AMOTL1: variants seen among roughly 807,000 people sequenced by gnomAD.
AMOTL1 encodes the protein angiomotin-like protein 1.
AMOTL1 carries 45 observed loss-of-function variants against 102.9 expected under a neutral mutation model. The observed-to-expected ratio is 0.44, with a 90% CI of 0.34 to 0.56. AMOTL1 has a LOEUF of 0.56. Ranked by LOEUF, AMOTL1 falls within the 20% of genes least tolerant of loss-of-function variation. AMOTL1 has a pLI of 0.01. For synonymous variants in AMOTL1, 481 were observed against 484.7 expected (o/e 0.99, Z 0.10); for missense variants, 1,114 against 1,225.6 (o/e 0.91, Z 1.36).
chr11:94,716,740 T>C (rs1399604005), intron 1 of AMOTL1, among the ~76,000 whole-genome samples: 3 of 152,122 alleles, frequency 2.0e-5, no homozygotes, highest in African/African-American at 7.2e-5. Flanking sequence ...GTCTTGGATA[T>C]GGGATAGGTA....
chr11:94,726,268 C>T (rs1950256142), intron 1 of AMOTL1, among the ~76,000 whole-genome samples: 1 of 152,134 alleles, frequency 6.6e-6, no homozygotes, highest in Non-Finnish European at 1.5e-5. Context: ...TGGTCTGTCT[C>T]ACACCACTCT....
chr11:94,751,539 T>TA (rs1950653872), intron 3 of AMOTL1, among the ~76,000 whole-genome samples: 1 of 152,130 alleles, frequency 6.6e-6, no homozygotes, highest in Admixed American at 6.5e-5. Flanking sequence ...AACTTGAATG[T>TA]AAAATTGATC....
intron 1 of AMOTL1, among the ~76,000 whole-genome samples, chr11:94,793,801 C>T (rs1241952922): frequency 1.3e-5 from 2 of 152,214 alleles, no homozygotes; most frequent in Admixed American, 1.3e-4. Flanking sequence ...CATCCGTACT[C>T]GGTTTATGTT....
intron 3 of AMOTL1, among the ~76,000 whole-genome samples, chr11:94,802,463 A>G (rs1361638281): frequency 1.3e-5 from 2 of 152,218 alleles, no homozygotes; most frequent in Non-Finnish European, 2.9e-5. Context: ...TGCAATGCAT[A>G]CAGTGGATCA....
chr11:94,745,540 T>C (rs919925387), intron 3 of AMOTL1, among the ~76,000 whole-genome samples: 1 of 152,190 alleles, frequency 6.6e-6, no homozygotes, highest in Admixed American at 6.5e-5. Flanking sequence ...CAAATATATG[T>C]ATATTTTTTA....
chr11:94,713,692 T>C (rs1450435939), intron 1 of AMOTL1, among the ~76,000 whole-genome samples: 1 of 152,004 alleles, frequency 6.6e-6, no homozygotes, highest in African/African-American at 2.4e-5. Flanking sequence ...ATTGTTAATA[T>C]AGAGAAATGC....
In AMOTL1 at chr11:94,875,789, G is replaced by C. The variant is rs1158591553; in HGVS notation, c.*4994G>C. 1 of 152,190 alleles carries C rather than the reference G, an allele frequency of 6.6e-6. No individual in the cohort carries two copies. The highest frequency in any genetic ancestry group is 1.5e-5 in the Non-Finnish European group (1 of 68,038). 9.4% of individuals were successfully genotyped at this position (152,190 alleles called of 1,614,324 possible). Reference sequence around the variant, plus strand: ...CTTTGGCCTCAGAGCCTCTCAAAGTGTCCACTTCAAGGGGGGATCATCCTC... The same window carrying C: ...CTTTGGCCTCAGAGCCTCTCAAAGTCTCCACTTCAAGGGGGGATCATCCTC... On this transcript the variant is annotated 3_prime_UTR_variant, in exon 13 of 13. Transcript: ENST00000433060.
At chr11:94,863,243 A>T (rs961422827) in intron 9 of AMOTL1, among the ~76,000 whole-genome samples, 3 of 151,776 alleles carry the variant, frequency 2.0e-5, no homozygotes, top group African/African-American at 4.9e-5. Flanking sequence ...AGCTGTCATT[A>T]AAGGGGCCTC....
chr11:94,827,723 C>T (rs1951991834), intron 4 of AMOTL1, among the ~76,000 whole-genome samples: 4 of 152,204 alleles, frequency 2.6e-5, no homozygotes, highest in African/African-American at 7.2e-5. Flanking sequence ...TATCTCAGCT[C>T]GGCTCCAGTT....
At chr11:94,728,580 A>G (rs1474387701) in intron 1 of AMOTL1, among the ~76,000 whole-genome samples, 1 of 152,134 alleles carries the variant, frequency 6.6e-6, no homozygotes, top group African/African-American at 2.4e-5. Flanking sequence ...CAAATAGAAG[A>G]GTGTGTATCT....
intron 2 of AMOTL1, among the ~76,000 whole-genome samples, chr11:94,797,198 T>C (rs4753622): frequency 0.063 from 9,523 of 152,280 alleles, 633 homozygotes; most frequent in East Asian, 0.28. Flanking sequence ...TGCCTAGAGA[T>C]GATCTAGTTC....
intron 4 of AMOTL1, among the ~76,000 whole-genome samples, chr11:94,826,147 C>G (rs1382255211): frequency 6.6e-6 from 1 of 152,002 alleles, no homozygotes; most frequent in Non-Finnish European, 1.5e-5. Context: ...ACAAAAATTA[C>G]CCAGCCATGG....
chr11:94,813,210 A>C (rs1196376102), intron 3 of AMOTL1, among the ~76,000 whole-genome samples: 1 of 152,222 alleles, frequency 6.6e-6, no homozygotes, highest in Non-Finnish European at 1.5e-5. Flanking sequence ...CTAGAAGACA[A>C]TTTGACAAGG....
At chr11:94,711,253 A>T (rs1205534434) in intron 1 of AMOTL1, among the ~76,000 whole-genome samples, 1 of 152,194 alleles carries the variant, frequency 6.6e-6, no homozygotes, top group Non-Finnish European at 1.5e-5. Context: ...AGAATCATGC[A>T]AACACTCTGG....
At chr11:94,768,203 C>T (rs1315385375), upstream of AMOTL1, 1 of 1,056,648 alleles carries the variant, frequency 9.5e-7, no homozygotes, top group African/African-American at 1.7e-5. Context: ...GGCAGTCTCG[C>T]GGCCCGGGGA....
chr11:94,708,387 T>A (rs919768402), intron 1 of AMOTL1, among the ~76,000 whole-genome samples: 2 of 152,160 alleles, frequency 1.3e-5, no homozygotes, highest in African/African-American at 2.4e-5. Context: ...GCCTGAAGAA[T>A]GCGTAAGCCT....
chr11:94,833,264 C>A (rs896788012), intron 6 of AMOTL1, among the ~76,000 whole-genome samples: 1 of 152,220 alleles, frequency 6.6e-6, no homozygotes, highest in Admixed American at 6.5e-5. Flanking sequence ...AATTTTCTTA[C>A]ACCTAATCTT....
chr11:94,713,987 A>T (rs2135432297), intron 1 of AMOTL1, among the ~76,000 whole-genome samples: 1 of 152,154 alleles, frequency 6.6e-6, no homozygotes, highest in East Asian at 1.9e-4. Context: ...AAAAGCATTC[A>T]GTCTTTCACG....
chr11:94,734,243 G>A (rs887134220), intron 2 of AMOTL1, among the ~76,000 whole-genome samples: 4 of 152,052 alleles, frequency 2.6e-5, no homozygotes, highest in African/African-American at 9.7e-5. Flanking sequence ...ATTTTTTTAG[G>A]TGAGATATGG....
Sources: gnomAD v4.1 joint callset for allele counts (sites outside exome capture counted in the v4.1 genomes callset) on GRCh38, gnomAD v4.1.1 for gene constraint, MANE v1.5 for transcripts, NCBI Gene and HGNC (gene_info 2026-07-23, HGNC 2026-07-21) for gene names.